The following TJP1 variants were observed in gnomAD, a reference collection of about 807,000 sequenced individuals.
TJP1 encodes the protein tight junction protein 1.
In TJP1, 43 loss-of-function variants were observed where a neutral mutation model predicts 194.2. The observed-to-expected ratio is 0.22, with a 90% CI of 0.17 to 0.29. The LOEUF (loss-of-function observed/expected upper bound fraction) is 0.29. Among genes scored for constraint, TJP1 ranks in the 10% least tolerant of loss-of-function variants. The probability of loss-of-function intolerance (pLI) is 1.00; values close to 1 mark genes in which losing one functional copy is unlikely to be tolerated. For synonymous variants in TJP1, 801 were observed against 779.0 expected (o/e 1.03, Z -0.47); for missense variants, 1,971 against 2,185.7 (o/e 0.90, Z 1.96).
intron 2 of TJP1, among the ~76,000 whole-genome samples, chr15:29,871,135 CACTT>C (rs1001269419): frequency 2.6e-5 from 4 of 152,206 alleles, no homozygotes; most frequent in East Asian, 1.9e-4. Context: ...ACTGAACACT[CACTT>C]AGAGACGGTA....
intron 2 of TJP1, among the ~76,000 whole-genome samples, chr15:29,776,913 G>T (rs2047050253): frequency 6.6e-6 from 1 of 152,112 alleles, no homozygotes; most frequent in Non-Finnish European, 1.5e-5. Context: ...TGTTCTCCTT[G>T]AAGCAAGGTA....
At chr15:29,776,445 TGAAAAA>T (rs1416857822) in intron 2 of TJP1, among the ~76,000 whole-genome samples, 3 of 152,204 alleles carry the variant, frequency 2.0e-5, no homozygotes. Flanking sequence ...ATACAGTCAT[TGAAAAA>T]GAAGAGTTAT....
rs531358005 is a variant in TJP1 at position 29,718,624 on chromosome 15, G to C, written c.3518C>G (p.Pro1173Arg). Residue 1173 changes from proline to arginine, a missense_variant, in exon 21 of 28, where the codon CCG becomes CGG. Around this residue, in one of 5 missense-constraint regions of TJP1, gnomAD observed 1,108 missense variants for 1,128.5 expected, o/e 0.98. Transcript: ENST00000614355. Reference sequence around the variant, plus strand: ...TGCTGAAGGGTGGGGCTGGGCTTCCGGTCTGAGTCTACCATGTGTGTCATA... The same window carrying C: ...TGCTGAAGGGTGGGGCTGGGCTTCCCGTCTGAGTCTACCATGTGTGTCATA... ...PGYDTHGRLR[P>R]EAQPHPSAGP... 8.7e-6 allele frequency: 14 copies of C among 1,614,018 alleles called. No homozygotes were observed. The highest frequency in any genetic ancestry group is 4.2e-6 in the Non-Finnish European group (5 of 1,180,038).
At chr15:29,757,210 GTTA>G (rs2045698120) in intron 8 of TJP1, among the ~76,000 whole-genome samples, 1 of 152,132 alleles carries the variant, frequency 6.6e-6, no homozygotes, top group African/African-American at 2.4e-5. Flanking sequence ...AGATGAAGAG[GTTA>G]TTATTCTCAG....
At position 29,745,965 on chromosome 15, in the gene TJP1, C is replaced by G. The variant is rs45609139; in HGVS notation, c.1011-3184G>C. Among the ~76,000 whole-genome samples, 738 of 152,212 alleles carry G rather than the reference C, an allele frequency of 4.8e-3. 22 individuals are homozygous for G. Among genetic ancestry groups the G allele is most frequent in the Admixed American group, 0.045 (683 of 15,276 alleles). ...AAGAAGAGTGAGAACTGGGGGTGAA[C>G]TGGGGGTGAAGTGGAGTTGGTGGAT... On this transcript the variant is annotated intron_variant, in intron 8 of 27. Transcript: ENST00000614355.
intron 8 of TJP1, among the ~76,000 whole-genome samples, chr15:29,745,564 C>T (rs1250909078): frequency 6.6e-6 from 1 of 152,004 alleles, no homozygotes; most frequent in East Asian, 1.9e-4. Context: ...TTTACTTGCA[C>T]AGGAAAAGAT....
At chr15:29,782,989 A>T (rs1217335936) in intron 2 of TJP1, among the ~76,000 whole-genome samples, 1 of 151,410 alleles carries the variant, frequency 6.6e-6, no homozygotes, top group Non-Finnish European at 1.5e-5. Context: ...AACCACAATG[A>T]GCGGCCGGGC....
chr15:29,704,146 A>C lies in TJP1; in HGVS notation c.5212+16T>G, dbSNP rs1371833449. The stretch of plus-strand genomic sequence containing the variant: ...AGTCCCCAAAGCTCCCAAAGGACAG[A>C]GTGAAGACAGCATACCCGACGAGGA... On this transcript the variant is annotated intron_variant, in intron 27 of 27. Coordinates refer to ENST00000614355, the MANE Select transcript of TJP1 (RefSeq NM_001330239.4). The C allele has an allele frequency of 6.4e-7, 1 of 1,551,908 alleles. No individual in the cohort carries two copies. Among genetic ancestry groups the C allele is most frequent in the Non-Finnish European group, 8.7e-7 (1 of 1,146,752 alleles).
chr15:29,949,928 A>T (rs1237274641), intron 2 of TJP1, among the ~76,000 whole-genome samples: 1 of 47,884 alleles, frequency 2.1e-5, no homozygotes, highest in Non-Finnish European at 3.3e-5. Context: ...CACCTTCACC[A>T]CCACCACCAC....
chr15:29,718,160 G>A, intron 21 of TJP1, 42 bp from the exon 22 acceptor site: 2 of 1,579,028 alleles, frequency 1.3e-6, no homozygotes, highest in African/African-American at 2.8e-5. Flanking sequence ...ATATGCCTAA[G>A]GAACAGATAA....
At chr15:29,781,994 T>G (rs560899851) in intron 2 of TJP1, among the ~76,000 whole-genome samples, 23 of 152,196 alleles carry the variant, frequency 1.5e-4, no homozygotes, top group African/African-American at 5.3e-4. Context: ...GAGAAAGAAA[T>G]AAAGGGCATC....
chr15:29,895,876 G>A (rs948066727), intron 2 of TJP1, among the ~76,000 whole-genome samples: 1 of 152,192 alleles, frequency 6.6e-6, no homozygotes, highest in African/African-American at 2.4e-5. Context: ...TCTGGAGGCT[G>A]AGAAGTCCAA....
intron 2 of TJP1, among the ~76,000 whole-genome samples, chr15:29,795,734 C>T (rs929242689): frequency 3.3e-5 from 5 of 152,116 alleles, no homozygotes; most frequent in Non-Finnish European, 7.4e-5. Context: ...AAAAAAAGTA[C>T]TGACCAATAA....
At chr15:29,876,795 C>T (rs2052717789) in intron 2 of TJP1, among the ~76,000 whole-genome samples, 1 of 152,108 alleles carries the variant, frequency 6.6e-6, no homozygotes, top group East Asian at 1.9e-4. Flanking sequence ...CTGCAGAATC[C>T]GGGTGCAATG....
chr15:29,710,709 G>A, intron 24 of TJP1, 122 bp downstream of exon 24: 2 of 1,258,564 alleles, frequency 1.6e-6, no homozygotes, highest in Non-Finnish European at 1.1e-6. Flanking sequence ...AGTTTTTACT[G>A]TTCCCAGCCC....
intron 2 of TJP1, among the ~76,000 whole-genome samples, chr15:29,953,674 C>A (rs1387522582): frequency 6.6e-6 from 1 of 152,110 alleles, no homozygotes; most frequent in Non-Finnish European, 1.5e-5. Flanking sequence ...TTCTAACAAT[C>A]TAAAAACATG....
At chr15:29,848,404 T>C (rs573383126) in intron 2 of TJP1, among the ~76,000 whole-genome samples, 1 of 152,232 alleles carries the variant, frequency 6.6e-6, no homozygotes, top group Non-Finnish European at 1.5e-5. Context: ...TTGGTGCATA[T>C]GAACATTTAT....
intron 4 of TJP1, among the ~76,000 whole-genome samples, chr15:29,768,015 A>G (rs2046429345): frequency 6.6e-6 from 1 of 152,076 alleles, no homozygotes; most frequent in Admixed American, 6.6e-5. Flanking sequence ...TTAATCTTCT[A>G]TTTCTCTGTC....
intron 2 of TJP1, among the ~76,000 whole-genome samples, chr15:29,871,864 A>G (rs1596151028): frequency 6.6e-6 from 1 of 152,262 alleles, no homozygotes; most frequent in East Asian, 1.9e-4. Flanking sequence ...ATTAAAATAG[A>G]TTTATTGCCA....
Sources: gnomAD v4.1 joint callset for allele counts (sites outside exome capture counted in the v4.1 genomes callset) on GRCh38, gnomAD v4.1.1 for gene constraint, gnomAD v4.1.1 regional missense constraint, MANE v1.5 for transcripts, NCBI Gene and HGNC (gene_info 2026-07-23, HGNC 2026-07-21) for gene names.